GJA1: variants seen among roughly 807,000 people sequenced by gnomAD.
GJA1 encodes gap junction protein alpha 1, also known as gap junction alpha-1 protein.
GJA1 carries 9 observed loss-of-function variants against 31.0 expected under a neutral mutation model. That is an observed-to-expected ratio of 0.29 (90% CI 0.17 to 0.51). The LOEUF is 0.51. Among genes scored for constraint, GJA1 ranks in the 20% least tolerant of loss-of-function variants. The pLI is 0.98. For missense variants in GJA1, 278 were observed against 468.8 expected, an observed-to-expected ratio of 0.59 and a Z score of 3.76; for synonymous variants, 186 against 180.1, an observed-to-expected ratio of 1.03 and a Z score of -0.26.
In GJA1 at chr6:121,447,692, C is replaced by G; in HGVS notation, c.845C>G (p.Ser282Cys). ...SSPTAPLSPMSPPGYKLVTGD... is the reference protein window; with the variant it reads ...SSPTAPLSPMCPPGYKLVTGD... Reference sequence around the variant, plus strand: ...CCAACCGCTCCCCTCTCGCCTATGTCTCCTCCTGGGTACAAGCTGGTTACT... The same window carrying G: ...CCAACCGCTCCCCTCTCGCCTATGTGTCCTCCTGGGTACAAGCTGGTTACT... The change falls in exon 2 of 2, where the codon TCT (serine) becomes TGT (cysteine). Residue 282 changes from serine to cysteine, a missense_variant. By Grantham distance (112) the Ser-to-Cys change is moderately radical (BLOSUM62 -1). Around this residue, in one of 3 missense-constraint regions of GJA1, gnomAD observed 172 missense variants for 190.9 expected, o/e 0.90. Coordinates refer to ENST00000282561, the MANE Select transcript of GJA1 (RefSeq NM_000165.5). 6.2e-7 allele frequency: 1 copy of G among 1,614,154 alleles called. No individual in the cohort carries two copies. The highest frequency in any genetic ancestry group is 8.5e-7 in the Non-Finnish European group (1 of 1,180,020).
rs774369402 is a variant in GJA1, at chr6:121,447,861, C to T, written c.1014C>T (p.Pro338=). 1.1e-5 allele frequency: 18 copies of T among 1,613,804 alleles called. No individual in the cohort carries two copies. Among genetic ancestry groups the T allele is most frequent in the Admixed American group, 5.0e-5 (3 of 59,994 alleles). Residue 338 remains proline, a synonymous_variant, in exon 2 of 2, where the codon CCC becomes CCT. Transcript: ENST00000282561. ...CCCATGCACAGCCTTTTGATTTCCC[C>T]GATGATAACCAGAATTCTAAAAAAC... ...SNSHAQPFDF[P]DDNQNSKKLA...
intron 1 of GJA1, among the ~76,000 whole-genome samples, chr6:121,436,330 T>TCA (rs1773663382): frequency 4.6e-5 from 7 of 152,196 alleles, no homozygotes. Context: ...TCTTGATTGA[T>TCA]GTTCTATAGC....
rs771460977 is a variant in GJA1 at position 121,447,252 on chromosome 6, C to T, written c.405C>T (p.Phe135=). The T allele has an allele frequency of 1.2e-6, 2 of 1,613,986 alleles. No individual in the cohort carries two copies. Among genetic ancestry groups the T allele is most frequent in the South Asian group, 1.1e-5 (1 of 91,070 alleles). ...MHLKQIEIKK[F]KYGIEEHGKV... Reference sequence around the variant, plus strand: ...TGAAGCAGATTGAGATAAAGAAGTTCAAGTACGGTATTGAAGAGCATGGTA... The same window carrying T: ...TGAAGCAGATTGAGATAAAGAAGTTTAAGTACGGTATTGAAGAGCATGGTA... The change falls in exon 2 of 2, where the codon TTC becomes TTT. Residue 135 remains phenylalanine, a synonymous_variant. Transcript: ENST00000282561.
chr6:121,449,017 T>C lies in GJA1; in HGVS notation c.*1021T>C, dbSNP rs74968349. ...TGGCAAGTAAAGCACACTTTTTTTTTCTCCTAAAATGTTTTTCCCTGTGTA... is the reference window on the plus strand; with the variant it reads ...TGGCAAGTAAAGCACACTTTTTTTTCCTCCTAAAATGTTTTTCCCTGTGTA... On this transcript the variant is annotated 3_prime_UTR_variant, in exon 2 of 2. Transcript: ENST00000282561. 4 of 165,712 alleles carry C rather than the reference T, an allele frequency of 2.4e-5. No homozygotes were observed. 10.3% of individuals were successfully genotyped at this position (165,712 alleles called of 1,614,324 possible). A position where few individuals can be genotyped will look rare whatever the true frequency, so the allele number is the denominator to read the frequency against.
At chr6:121,435,903 T>C (rs1052482728) in intron 1 of GJA1, 71 bp downstream of exon 1, 3 of 152,182 alleles carry the variant, frequency 2.0e-5, no homozygotes, top group African/African-American at 7.2e-5. Flanking sequence ...TTTCTAAAGT[T>C]TTAAAATGTG....
chr6:121,440,156 G>A (rs995377710), intron 1 of GJA1, among the ~76,000 whole-genome samples: 1 of 151,836 alleles, frequency 6.6e-6, no homozygotes, highest in African/African-American at 2.4e-5. Context: ...TGGTGCAATC[G>A]GAGTTAGAAC....
intron 1 of GJA1, among the ~76,000 whole-genome samples, chr6:121,444,313 T>A (rs1184712188): frequency 6.6e-6 from 1 of 152,192 alleles, no homozygotes; most frequent in Non-Finnish European, 1.5e-5. Flanking sequence ...TTATGACCAC[T>A]GGGGGAGTGT....
intron 1 of GJA1, among the ~76,000 whole-genome samples, chr6:121,446,385 T>G (rs1440962597): frequency 4.6e-5 from 7 of 152,250 alleles, no homozygotes; most frequent in African/African-American, 1.7e-4. Context: ...TGTGTGTTTA[T>G]AGGTATTCTT....
At chr6:121,439,327 A>T (rs1257690833) in intron 1 of GJA1, among the ~76,000 whole-genome samples, 1 of 152,176 alleles carries the variant, frequency 6.6e-6, no homozygotes, top group Non-Finnish European at 1.5e-5. Flanking sequence ...CTCATTGAAA[A>T]AAATAGACTA....
chr6:121,442,087 C>T (rs2114276363), intron 1 of GJA1, among the ~76,000 whole-genome samples: 1 of 152,184 alleles, frequency 6.6e-6, no homozygotes, highest in South Asian at 2.1e-4. Context: ...TGATTTTATT[C>T]TTTCAGATAT....
In GJA1 at chr6:121,448,797, C is replaced by T. The variant is rs952175313; in HGVS notation, c.*801C>T. 25 of 166,940 alleles carry T rather than the reference C, an allele frequency of 1.5e-4. No individual in the cohort carries two copies. Among genetic ancestry groups the T allele is most frequent in the African/African-American group, 5.1e-4 (21 of 41,360 alleles). The allele number at this position is 166,940 out of a possible 1,614,324, so 10.3% of individuals were successfully genotyped here. A position where few individuals can be genotyped will look rare whatever the true frequency, so the allele number is the denominator to read the frequency against. The stretch of plus-strand genomic sequence containing the variant: ...GCTAAAGTCAGGGAATCAAGCCATG[C>T]TTAATATTTAACAATCACTTATATG... On this transcript the variant is annotated 3_prime_UTR_variant, in exon 2 of 2. Coordinates refer to ENST00000282561, the MANE Select transcript of GJA1 (RefSeq NM_000165.5).
intron 1 of GJA1, among the ~76,000 whole-genome samples, chr6:121,436,360 T>C (rs1455067705): frequency 2.6e-5 from 4 of 152,180 alleles, no homozygotes; most frequent in Non-Finnish European, 5.9e-5. Context: ...CCAACTTCTT[T>C]TGTGACGAAG....
intron 1 of GJA1, among the ~76,000 whole-genome samples, chr6:121,441,848 G>A (rs1773798055): frequency 6.6e-6 from 1 of 152,182 alleles, no homozygotes; most frequent in Non-Finnish European, 1.5e-5. Context: ...TGTTTTAAGT[G>A]CGGAGGAATA....
chr6:121,437,260 TAGG>T (rs925056306), intron 1 of GJA1, among the ~76,000 whole-genome samples: 7 of 151,806 alleles, frequency 4.6e-5, no homozygotes, highest in African/African-American at 7.3e-5. Flanking sequence ...GTGGGAGGGA[TAGG>T]AGGAGAGATG....
chr6:121,437,299 A>G (rs1773684471), intron 1 of GJA1, among the ~76,000 whole-genome samples: 1 of 151,238 alleles, frequency 6.6e-6, no homozygotes, highest in Non-Finnish European at 1.5e-5. Flanking sequence ...GGTAGAACAA[A>G]TGGTTGATTT....
chr6:121,449,261 G>T lies in GJA1; in HGVS notation c.*1265G>T, dbSNP rs1261172913. ...AGTGGACTATTAAATGTGCCTAAATGAATTTTGCAGTAACTGGTATTCTTG... is the reference window on the plus strand; with the variant it reads ...AGTGGACTATTAAATGTGCCTAAATTAATTTTGCAGTAACTGGTATTCTTG... On this transcript the variant is annotated 3_prime_UTR_variant, in exon 2 of 2. Coordinates refer to ENST00000282561, the MANE Select transcript of GJA1 (RefSeq NM_000165.5). 1 of 167,074 alleles carries T rather than the reference G, an allele frequency of 6.0e-6. No individual in the cohort carries two copies. The highest frequency in any genetic ancestry group is 1.5e-5 in the Non-Finnish European group (1 of 68,114). The allele number at this position is 167,074 out of a possible 1,614,324, so 10.3% of individuals were successfully genotyped here.
Position 121,447,396 on chromosome 6 carries a change from T to C in GJA1, c.549T>C (p.Ala183=). The C allele has an allele frequency of 6.2e-7, 1 of 1,614,006 alleles. No homozygotes were observed. Among genetic ancestry groups the C allele is most frequent in the Non-Finnish European group, 8.5e-7 (1 of 1,179,878 alleles). ...QWYIYGFSLS[A]VYTCKRDPCP... ...ACATCTATGGATTCAGCTTGAGTGC[T>C]GTTTACACTTGCAAAAGAGATCCCT... The change falls in exon 2 of 2, where the codon GCT becomes GCC. Residue 183 remains alanine (A), a synonymous_variant. Coordinates refer to ENST00000282561, the MANE Select transcript of GJA1 (RefSeq NM_000165.5).
chr6:121,445,918 A>T (rs956425671), intron 1 of GJA1, among the ~76,000 whole-genome samples: 4 of 152,120 alleles, frequency 2.6e-5, no homozygotes, highest in African/African-American at 7.2e-5. Flanking sequence ...ACATAGTGAA[A>T]TCCTATCTCT....
intron 1 of GJA1, among the ~76,000 whole-genome samples, chr6:121,439,932 TG>T (rs1360295982): frequency 7.2e-5 from 11 of 152,242 alleles, no homozygotes; most frequent in Non-Finnish European, 1.5e-4. Flanking sequence ...TCTGATGAAC[TG>T]GGAATCTTTT....
Sources: gnomAD v4.1 joint callset for allele counts (sites outside exome capture counted in the v4.1 genomes callset) on GRCh38, gnomAD v4.1.1 for gene constraint, gnomAD v4.1.1 regional missense constraint, MANE v1.5 for transcripts, NCBI Gene and HGNC (gene_info 2026-07-23, HGNC 2026-07-21) for gene names.